The following SLC1A3 variants were observed in gnomAD, a reference collection of about 807,000 sequenced individuals.
The protein encoded by SLC1A3 is solute carrier family 1 member 3.
SLC1A3 carries 21 observed loss-of-function variants against 48.1 expected under a neutral mutation model. That is an observed-to-expected ratio of 0.44 (90% confidence interval 0.31 to 0.63). The LOEUF is 0.63. SLC1A3 is among the 20% of genes least tolerant of loss of function. The pLI, the probability that SLC1A3 is intolerant of heterozygous loss-of-function variation, is 0.08. For synonymous variants in SLC1A3, 239 were observed against 251.4 expected (o/e 0.95, Z 0.47); for missense variants, 546 against 689.0 (o/e 0.79, Z 2.32).
chr5:36,679,798 C>T lies in SLC1A3; in HGVS notation c.1032C>T (p.Asn344=), dbSNP rs926634917. The T allele has an allele frequency of 1.9e-6, 3 of 1,614,160 alleles. No individual in the cohort carries two copies. The highest frequency in any genetic ancestry group is 2.5e-6 in the Non-Finnish European group (3 of 1,180,034). The change falls in exon 7 of 10, where the codon AAC becomes AAT. Residue 344 remains asparagine, a synonymous_variant. Transcript: ENST00000265113. ...TCTACTTCTTGGTAACACGGAAAAACCCTTGGGTTTTTATTGGAGGGTTGC... is the reference window on the plus strand; with the variant it reads ...TCTACTTCTTGGTAACACGGAAAAATCCTTGGGTTTTTATTGGAGGGTTGC... ...PLLYFLVTRK[N]PWVFIGGLLQ...
At chr5:36,660,656 C>A (rs1741472706) in intron 3 of SLC1A3, among the ~76,000 whole-genome samples, 1 of 152,260 alleles carries the variant, frequency 6.6e-6, no homozygotes, top group Non-Finnish European at 1.5e-5. Context: ...ACAGTGTTTT[C>A]ACTCTATGCA....
Position 36,674,208 on chromosome 5 carries a change from C to A in SLC1A3, c.567+117C>A. The A allele has an allele frequency of 9.2e-6, 8 of 868,854 alleles. No individual in the cohort carries two copies. The Admixed American group carries it at 1.6e-4, about 18-fold the overall frequency. The allele number at this position is 868,854 out of a possible 1,614,324, so 53.8% of individuals were successfully genotyped here. A position where few individuals can be genotyped will look rare whatever the true frequency, so the allele number is the denominator to read the frequency against. On this transcript the variant is annotated intron_variant, in intron 5 of 9. Coordinates refer to ENST00000265113, the MANE Select transcript of SLC1A3 (RefSeq NM_004172.5). ...CTATAAGAAACACTTCTCTTGTCAACCAGATTAAAAACACTAGCGTTTTCT... is the reference window on the plus strand; with the variant it reads ...CTATAAGAAACACTTCTCTTGTCAAACAGATTAAAAACACTAGCGTTTTCT...
At chr5:36,685,182 AATTT>A (rs1217524256) in intron 9 of SLC1A3, among the ~76,000 whole-genome samples, 4 of 152,352 alleles carry the variant, frequency 2.6e-5, no homozygotes, top group East Asian at 1.9e-4. Context: ...TAATGGAATG[AATTT>A]ATTATCATCT....
At chr5:36,684,113 CGG>C in intron 9 of SLC1A3, 115 bp downstream of exon 9, 1 of 1,315,496 alleles carries the variant, frequency 7.6e-7, no homozygotes, top group Non-Finnish European at 1.1e-6. Flanking sequence ...AGGGGCCTCT[CGG>C]CCCATAGTTA....
chr5:36,639,073 C>T (rs1010143432), intron 3 of SLC1A3, among the ~76,000 whole-genome samples: 1 of 152,204 alleles, frequency 6.6e-6, no homozygotes, highest in Non-Finnish European at 1.5e-5. Context: ...AGGTAACAAC[C>T]GTTAACAGTG....
chr5:36,619,020 T>G (rs954293558), intron 2 of SLC1A3, among the ~76,000 whole-genome samples: 1 of 152,184 alleles, frequency 6.6e-6, no homozygotes, highest in Non-Finnish European at 1.5e-5. Context: ...ACACACCGTG[T>G]GCACATAAGT....
At chr5:36,639,314 C>A (rs938745765) in intron 3 of SLC1A3, among the ~76,000 whole-genome samples, 2 of 152,236 alleles carry the variant, frequency 1.3e-5, no homozygotes, top group Non-Finnish European at 2.9e-5. Context: ...CTGCCTGACA[C>A]ACAATCGCTG....
intron 1 of SLC1A3, among the ~76,000 whole-genome samples, chr5:36,597,857 T>C (rs1561229186): frequency 6.6e-6 from 1 of 152,082 alleles, no homozygotes; most frequent in Non-Finnish European, 1.5e-5. Flanking sequence ...CCCTCCCTTT[T>C]CCCCCACAAC....
intron 3 of SLC1A3, among the ~76,000 whole-genome samples, chr5:36,645,314 G>T (rs379979): frequency 1.8e-5 from 2 of 112,766 alleles, no homozygotes; most frequent in African/African-American, 3.2e-5. Flanking sequence ...ACTGACTTCC[G>T]CTGCCTTTTT....
chr5:36,679,998 C>A, intron 7 of SLC1A3, 138 bp downstream of exon 7: 1 of 710,604 alleles, frequency 1.4e-6, no homozygotes. Flanking sequence ...TTTCTGATGT[C>A]AATCACACCT....
At chr5:36,654,876 A>C (rs1330855250) in intron 3 of SLC1A3, among the ~76,000 whole-genome samples, 1 of 152,188 alleles carries the variant, frequency 6.6e-6, no homozygotes, top group Non-Finnish European at 1.5e-5. Context: ...TTTGCATCTG[A>C]AAAGGTAAAC....
At chr5:36,609,485 C>T (rs1283349056) in intron 2 of SLC1A3, among the ~76,000 whole-genome samples, 1 of 152,188 alleles carries the variant, frequency 6.6e-6, no homozygotes, top group South Asian at 2.1e-4. Context: ...AAGAGGCATT[C>T]AGTACCGTTT....
chr5:36,615,036 T>G (rs766874016), intron 2 of SLC1A3, among the ~76,000 whole-genome samples: 2 of 152,178 alleles, frequency 1.3e-5, no homozygotes, highest in Non-Finnish European at 1.5e-5. Context: ...TAATAATACC[T>G]TTCATTTTTG....
At chr5:36,640,990 TACAC>T (rs145725270) in intron 3 of SLC1A3, among the ~76,000 whole-genome samples, 2 of 149,630 alleles carry the variant, frequency 1.3e-5, no homozygotes, top group South Asian at 4.2e-4. Context: ...CACACACACA[TACAC>T]ACACACACAC....
Position 36,686,187 on chromosome 5 carries a change from A to G in SLC1A3, c.1547A>G (p.Glu516Gly). The G allele has an allele frequency of 6.2e-7, 1 of 1,614,160 alleles. No homozygotes were observed. The highest frequency in any genetic ancestry group is 8.5e-7 in the Non-Finnish European group (1 of 1,179,930). ...DVEMGNSVIE[E>G]NEMKKPYQLI... ...GAAATGGGTAACTCAGTGATTGAAG[A>G]GAATGAAATGAAGAAACCATATCAA... Residue 516 changes from glutamate (E) to glycine (G), a missense_variant, in exon 10 of 10, where the codon GAG (glutamate) becomes GGG (glycine). By Grantham distance (98) the Glu-to-Gly change is moderately conservative. Transcript: ENST00000265113.
chr5:36,624,522 C>G (rs950476609), intron 2 of SLC1A3, among the ~76,000 whole-genome samples: 2 of 152,208 alleles, frequency 1.3e-5, no homozygotes, highest in African/African-American at 2.4e-5. Flanking sequence ...GACTCTGATT[C>G]CTCATCTGTG....
At chr5:36,627,541 A>AATAGAG (rs1739960164) in intron 2 of SLC1A3, among the ~76,000 whole-genome samples, 1 of 152,198 alleles carries the variant, frequency 6.6e-6, no homozygotes, top group African/African-American at 2.4e-5. Flanking sequence ...TATATTCATC[A>AATAGAG]TGATATGCTT....
chr5:36,661,900 C>A (rs1191307943), intron 3 of SLC1A3, among the ~76,000 whole-genome samples: 45 of 152,160 alleles, frequency 3.0e-4, no homozygotes. Context: ...GAATTCGGTC[C>A]CATTTAGCAT....
chr5:36,674,150 A>G, intron 5 of SLC1A3, 59 bp downstream of exon 5: 1 of 1,321,592 alleles, frequency 7.6e-7, no homozygotes, highest in Non-Finnish European at 1.1e-6. Context: ...TACCAAACCA[A>G]GTGGGACCCT....
Sources: gnomAD v4.1 joint callset for allele counts (sites outside exome capture counted in the v4.1 genomes callset) on GRCh38, gnomAD v4.1.1 for gene constraint, MANE v1.5 for transcripts, NCBI Gene and HGNC (gene_info 2026-07-23, HGNC 2026-07-21) for gene names.